The following NUP155 variants were observed in gnomAD, a reference collection of about 807,000 sequenced individuals.
NUP155 encodes nucleoporin 155.
A neutral mutation model predicts 180.4 loss-of-function variants in NUP155; 71 were observed. The observed-to-expected ratio is 0.39, with a 90% CI of 0.33 to 0.48. The LOEUF (loss-of-function observed/expected upper bound fraction) is 0.48. Among genes scored for constraint, NUP155 ranks in the 20% least tolerant of loss-of-function variants. The probability of loss-of-function intolerance (pLI) is 0.91; values close to 1 mark genes in which losing one functional copy is unlikely to be tolerated. For synonymous variants in NUP155, 582 were observed against 559.5 expected (o/e 1.04, Z -0.57); for missense variants, 1,553 against 1,648.9 (o/e 0.94, Z 1.01).
chr5:37,327,326 T>C (rs1197042043), intron 18 of NUP155: 1 of 368,344 alleles, frequency 2.7e-6, no homozygotes, highest in African/African-American at 2.1e-5. Flanking sequence ...AAGTTGTACA[T>C]GAATTTTTGA....
chr5:37,329,055 A>T, intron 16 of NUP155, 135 bp downstream of exon 16: 1 of 687,562 alleles, frequency 1.5e-6, no homozygotes, highest in Middle Eastern at 3.0e-4. Context: ...AAGAATCAGA[A>T]TCTATAGATG....
At chr5:37,326,088 A>C in intron 18 of NUP155, 121 bp from the exon 19 acceptor site, 1 of 742,340 alleles carries the variant, frequency 1.3e-6, no homozygotes, top group Non-Finnish European at 2.3e-6. Flanking sequence ...GGTTTCATTT[A>C]ACATTTTACT....
rs1470968836 is a variant in NUP155 at position 37,303,383 on chromosome 5, A to C, written c.3194T>G (p.Val1065Gly). The C allele has an allele frequency of 2.5e-6, 4 of 1,614,024 alleles. No homozygotes were observed. The highest frequency in any genetic ancestry group is 3.4e-6 in the Non-Finnish European group (4 of 1,180,000). The change falls in exon 28 of 35, where the codon GTC (valine) becomes GGC (glycine). Residue 1065 changes from valine to glycine, a missense_variant. Physicochemically the swap from Val to Gly is moderately radical, Grantham distance 109. Transcript: ENST00000231498. Reference sequence around the variant, plus strand: ...GTTTTGATCAACTTTGGCCATTCGGACTAGATGTGGCTCCAGAAATGGAGA... The same window carrying C: ...GTTTTGATCAACTTTGGCCATTCGGCCTAGATGTGGCTCCAGAAATGGAGA... The part of the protein sequence containing the change: ...VASPFLEPHL[V>G]RMAKVDQNRV...
chr5:37,365,495 C>T (rs1245220101), intron 1 of NUP155, among the ~76,000 whole-genome samples: 1 of 151,528 alleles, frequency 6.6e-6, no homozygotes, highest in Non-Finnish European at 1.5e-5. Context: ...ATCACAAGGT[C>T]AGGAGTTCAA....
At position 37,325,948 on chromosome 5, in the gene NUP155, AGCTT is replaced by A; in HGVS notation, c.2040_2043del (p.Ser681Ter). ...CTCTTGAATATTCTCTCCACAACTAAGCTTGCATCCCAAATGTTTCTGGAAAAAA... is the reference window on the plus strand; with the variant it reads ...CTCTTGAATATTCTCTCCACAACTAAGCATCCCAAATGTTTCTGGAAAAAA... On this transcript the variant is annotated frameshift_variant, in exon 19 of 35. Coordinates refer to ENST00000231498, the MANE Select transcript of NUP155 (RefSeq NM_153485.3). LOFTEE classifies it high-confidence loss of function. The A allele has an allele frequency of 6.2e-7, 1 of 1,610,298 alleles. No individual in the cohort carries two copies. Among genetic ancestry groups the A allele is most frequent in the Non-Finnish European group, 8.5e-7 (1 of 1,177,678 alleles).
intron 14 of NUP155, 29 bp from the exon 15 acceptor site, chr5:37,330,161 T>C (rs756469323): frequency 4.0e-6 from 6 of 1,491,074 alleles, no homozygotes; most frequent in Admixed American, 1.7e-5. Context: ...ATTGGCCTTA[T>C]ATTAAATACA....
chr5:37,333,739 A>G, intron 12 of NUP155, 106 bp from the exon 13 acceptor site: 2 of 751,312 alleles, frequency 2.7e-6, no homozygotes, highest in African/African-American at 1.8e-5. Flanking sequence ...TAGTACATTA[A>G]CATGAATATT....
intron 14 of NUP155, among the ~76,000 whole-genome samples, chr5:37,330,679 T>G (rs940376656): frequency 1.3e-5 from 2 of 152,068 alleles, no homozygotes; most frequent in Non-Finnish European, 2.9e-5. Context: ...TCTGAAATAC[T>G]AAGATCTCTA....
intron 31 of NUP155, among the ~76,000 whole-genome samples, chr5:37,299,238 C>T (rs1456532255): frequency 6.6e-6 from 1 of 152,174 alleles, no homozygotes; most frequent in Non-Finnish European, 1.5e-5. Context: ...ATAACCTTTT[C>T]ACTGAGTATT....
intron 20 of NUP155, among the ~76,000 whole-genome samples, chr5:37,322,969 G>A (rs1325314892): frequency 2.0e-5 from 3 of 149,088 alleles, no homozygotes; most frequent in Non-Finnish European, 4.4e-5. Flanking sequence ...GCGAAACTCC[G>A]TCTCAAAAAA....
At chr5:37,365,752 T>TACACACACACACACACACACAC (rs372031424) in intron 1 of NUP155, among the ~76,000 whole-genome samples, 3 of 37,890 alleles carry the variant, frequency 7.9e-5, no homozygotes, top group African/African-American at 3.2e-4. Flanking sequence ...TATATATATA[T>TACACACACACACACACACACAC]ACACACACAC....
intron 8 of NUP155, among the ~76,000 whole-genome samples, chr5:37,348,853 T>G (rs1170692293): frequency 2.0e-5 from 3 of 152,020 alleles, no homozygotes; most frequent in Non-Finnish European, 4.4e-5. Flanking sequence ...CCGCCCAGGT[T>G]CAAATGATTC....
At chr5:37,297,768 T>C (rs1742663680) in intron 32 of NUP155, among the ~76,000 whole-genome samples, 1 of 152,116 alleles carries the variant, frequency 6.6e-6, no homozygotes, top group African/African-American at 2.4e-5. Context: ...TGCTCTTTTA[T>C]TTCTCTTTAT....
At position 37,306,315 on chromosome 5, in the gene NUP155, A is replaced by G. The variant is rs1743151410; in HGVS notation, c.2903+982T>C. Among the ~76,000 whole-genome samples, 3 of 152,212 alleles carry G rather than the reference A, an allele frequency of 2.0e-5. No individual in the cohort carries two copies. In the South Asian group the frequency reaches 6.2e-4, roughly 32 times the overall value. ...CTCAGGAGGCTGAGGTAGGAGGATC[A>G]CTGGATCACTTGAGCCCAAAAGGTC... is the stretch of plus-strand genomic sequence containing the variant. On this transcript the variant is annotated intron_variant, in intron 25 of 34. Coordinates refer to ENST00000231498, the MANE Select transcript of NUP155 (RefSeq NM_153485.3).
At chr5:37,352,180 A>G (rs1385670833) in intron 5 of NUP155, among the ~76,000 whole-genome samples, 1 of 152,000 alleles carries the variant, frequency 6.6e-6, no homozygotes, top group Admixed American at 6.6e-5. Flanking sequence ...ACACAGTAAA[A>G]CCCTGTCTCT....
chr5:37,322,489 C>T (rs1181931497), intron 20 of NUP155, among the ~76,000 whole-genome samples: 5 of 151,738 alleles, frequency 3.3e-5, no homozygotes, highest in East Asian at 2.0e-4. Context: ...GGGCGGATCA[C>T]GAGGTCAGGA....
intron 22 of NUP155, among the ~76,000 whole-genome samples, chr5:37,313,787 G>A (rs1347325774): frequency 6.6e-6 from 1 of 152,166 alleles, no homozygotes; most frequent in African/African-American, 2.4e-5. Flanking sequence ...ACAGGCGTGA[G>A]GCATGGTGCC....
At chr5:37,309,320 T>C (rs1743380344) in intron 23 of NUP155, 53 bp from the exon 24 acceptor site, 2 of 1,474,416 alleles carry the variant, frequency 1.4e-6, no homozygotes, top group South Asian at 2.3e-5. Context: ...AGCAGACAGA[T>C]GATGCTGTCA....
chr5:37,360,153 T>C (rs1188099937), intron 3 of NUP155, among the ~76,000 whole-genome samples: 3 of 149,972 alleles, frequency 2.0e-5, no homozygotes, highest in African/African-American at 7.4e-5. Context: ...CAAAAAAAAA[T>C]AGGTAAAGAA....
Sources: allele counts gnomAD v4.1 joint callset (sites outside exome capture counted in the v4.1 genomes callset), GRCh38; gene constraint gnomAD v4.1.1; transcripts MANE v1.5; gene names NCBI Gene and HGNC (gene_info 2026-07-23, HGNC 2026-07-21).